Variants in TRAM2 observed in about 807,000 individuals in gnomAD.
TRAM2 encodes translocating chain-associated membrane protein 2.
TRAM2 carries 12 observed loss-of-function variants against 51.0 expected under a neutral mutation model. That is an observed-to-expected ratio of 0.24 (90% CI 0.15 to 0.38). The LOEUF (loss-of-function observed/expected upper bound fraction) is 0.38. Among genes scored for constraint, TRAM2 ranks in the 10% least tolerant of loss-of-function variants. The pLI is 1.00. For missense variants in TRAM2, 361 were observed against 462.0 expected (o/e 0.78, Z 2.00); for synonymous variants, 175 against 179.4 (o/e 0.98, Z 0.20).
At chr6:52,510,791 C>A (rs747003068) in intron 4 of TRAM2, among the ~76,000 whole-genome samples, 7 of 152,204 alleles carry the variant, frequency 4.6e-5, no homozygotes, top group Non-Finnish European at 1.0e-4. Flanking sequence ...GCCAGTGATA[C>A]CCTGGGGACA....
intron 1 of TRAM2, 37 bp downstream of exon 1, chr6:52,576,759 C>A (rs1176134042): frequency 1.2e-6 from 2 of 1,604,998 alleles, no homozygotes; most frequent in South Asian, 2.2e-5. Context: ...CGACAGGGGG[C>A]ACTGTCCCTC....
At chr6:52,530,700 CCA>C in intron 2 of TRAM2, among the ~76,000 whole-genome samples, 1 of 152,082 alleles carries the variant, frequency 6.6e-6, no homozygotes, top group African/African-American at 2.4e-5. Context: ...TAGATCCTTC[CCA>C]GAGCCTTCCA....
intron 1 of TRAM2, among the ~76,000 whole-genome samples, chr6:52,559,456 G>C (rs892160750): frequency 1.3e-5 from 2 of 152,192 alleles, no homozygotes; most frequent in Non-Finnish European, 2.9e-5. Flanking sequence ...TGAGCAACGA[G>C]AGTCCTTAGT....
At chr6:52,561,630 C>T (rs1234232579) in intron 1 of TRAM2, among the ~76,000 whole-genome samples, 1 of 152,082 alleles carries the variant, frequency 6.6e-6, no homozygotes, top group Admixed American at 6.5e-5. Context: ...GGACTACAGG[C>T]GCCCACCACC....
In TRAM2 at chr6:52,503,134, C is replaced by T; in HGVS notation, c.*63G>A. 7.2e-7 allele frequency: 1 copy of T among 1,383,426 alleles called. No homozygotes were observed. Among genetic ancestry groups the T allele is most frequent in the South Asian group, 1.2e-5 (1 of 86,460 alleles). The allele number at this position is 1,383,426 out of a possible 1,614,324, so 85.7% of individuals were successfully genotyped here. On this transcript the variant is annotated 3_prime_UTR_variant, in exon 11 of 11. Transcript: ENST00000182527. ...CAGGAAGGAGGAGGCAGGGAGGGGG[C>T]CTGGGCTCCTTGCCCCCTGCTCGGC...
At position 52,503,133 on chromosome 6, in the gene TRAM2, G is replaced by A. The variant is rs1766268131; in HGVS notation, c.*64C>T. On this transcript the variant is annotated 3_prime_UTR_variant, in exon 11 of 11. Coordinates refer to ENST00000182527, the MANE Select transcript of TRAM2 (RefSeq NM_012288.4). ...GCAGGAAGGAGGAGGCAGGGAGGGG[G>A]CCTGGGCTCCTTGCCCCCTGCTCGG... 2 of 1,370,234 alleles carry A rather than the reference G, an allele frequency of 1.5e-6. No homozygotes were observed. The highest frequency in any genetic ancestry group is 2.3e-5 in the South Asian group (2 of 86,294). 84.9% of individuals were successfully genotyped at this position (1,370,234 alleles called of 1,614,324 possible).
chr6:52,569,301 A>G (rs1262729781), intron 1 of TRAM2, among the ~76,000 whole-genome samples: 2 of 151,852 alleles, frequency 1.3e-5, no homozygotes, highest in African/African-American at 4.8e-5. Flanking sequence ...GAAGTGGGAG[A>G]ATCGCTTGAA....
rs17664206 is a variant in TRAM2, at chr6:52,521,298, A to G, written c.185-4561T>C. Among the ~76,000 whole-genome samples the G allele has an allele frequency of 5.6e-3, 857 of 152,292 alleles. 6 individuals carry two copies. The highest frequency in any genetic ancestry group is 8.8e-3 in the Non-Finnish European group (600 of 68,010). The stretch of plus-strand genomic sequence containing the variant: ...GGTTTGGCCCTGTTTTCATAGAACT[A>G]TAGAGGTTGGACCTTTGTCCCCTTC... On this transcript the variant is annotated intron_variant, in intron 2 of 10. Coordinates refer to ENST00000182527, the MANE Select transcript of TRAM2 (RefSeq NM_012288.4).
rs1766183722 is a variant in TRAM2, at chr6:52,500,297, A to G, written c.*2900T>C. 6.6e-6 allele frequency: 1 copy of G among 152,246 alleles called. No homozygotes were observed. The highest frequency in any genetic ancestry group is 1.5e-5 in the Non-Finnish European group (1 of 68,060). 9.4% of individuals were successfully genotyped at this position (152,246 alleles called of 1,614,324 possible). On this transcript the variant is annotated 3_prime_UTR_variant, in exon 11 of 11. Transcript: ENST00000182527. ...AAAGTGGCCAAAATTAGAACAAGCT[A>G]GCCCAACACGCTCATAGGATGAAGT...
At chr6:52,559,637 A>G (rs918041617) in intron 1 of TRAM2, among the ~76,000 whole-genome samples, 8 of 152,164 alleles carry the variant, frequency 5.3e-5, no homozygotes, top group African/African-American at 1.9e-4. Flanking sequence ...TGATTCTATA[A>G]ACTGTGAAGT....
rs751286166 is a variant in TRAM2 at position 52,516,120 on chromosome 6, T to C, written c.297A>G (p.Lys99=). ...TGGAGAGATGAAGCCGTTTGCTGAT[T>C]TTCTAAAGAATAAAGAAAACCCCTC... is the stretch of plus-strand genomic sequence containing the variant. ...HAVVQEYILD[K]ISKRLHLSKV... The change falls in exon 4 of 11, where the codon AAA becomes AAG. Residue 99 remains lysine, a splice_region_variant and synonymous_variant. Transcript: ENST00000182527. 3.1e-6 allele frequency: 5 copies of C among 1,613,930 alleles called. No homozygotes were observed. In the East Asian group the frequency reaches 1.1e-4, roughly 36 times the overall value.
chr6:52,541,377 G>T (rs1767078678), intron 1 of TRAM2, among the ~76,000 whole-genome samples: 1 of 152,176 alleles, frequency 6.6e-6, no homozygotes, highest in African/African-American at 2.4e-5. Context: ...ATAAGCACGG[G>T]AAGGATAAAG....
intron 1 of TRAM2, among the ~76,000 whole-genome samples, chr6:52,557,002 T>C (rs945037175): frequency 6.6e-6 from 1 of 151,880 alleles, no homozygotes; most frequent in African/African-American, 2.4e-5. Context: ...GAGACCACCC[T>C]GGCCAACATG....
chr6:52,522,887 A>G, intron 2 of TRAM2: 1 of 702,338 alleles, frequency 1.4e-6, no homozygotes, highest in Non-Finnish European at 2.6e-6. Flanking sequence ...TTCTGAGGTC[A>G]CCTGCAAGCG....
At chr6:52,503,366 A>C in intron 10 of TRAM2, 96 bp from the exon 11 acceptor site, 2 of 1,120,088 alleles carry the variant, frequency 1.8e-6, no homozygotes, top group South Asian at 2.5e-5. Flanking sequence ...GGGCCCGGGC[A>C]GCCCAGCTGC....
intron 1 of TRAM2, among the ~76,000 whole-genome samples, chr6:52,552,429 T>C (rs1767325287): frequency 6.6e-6 from 1 of 152,176 alleles, no homozygotes; most frequent in Non-Finnish European, 1.5e-5. Context: ...GCTGTACATA[T>C]ATTACTAAGA....
rs1373221419 is a variant in TRAM2 at position 52,504,641 on chromosome 6, C to G, written c.989G>C (p.Arg330Thr). ...TGGTAGTCTGGGTGTGGCTGGGACT[C>G]TCCGCTTTGCACTCTGCTCATTCCA... Reference protein sequence around the residue: ...EYWNEQSAKRRVPATPRLPAR... With the variant: ...EYWNEQSAKRTVPATPRLPAR... Residue 330 changes from arginine (R) to threonine (T), a missense_variant, in exon 10 of 11, where the codon AGA (arginine) becomes ACA (threonine). Coordinates refer to ENST00000182527, the MANE Select transcript of TRAM2 (RefSeq NM_012288.4). The G allele has an allele frequency of 6.2e-7, 1 of 1,613,912 alleles. No homozygotes were observed. The highest frequency in any genetic ancestry group is 8.5e-7 in the Non-Finnish European group (1 of 1,180,050).
chr6:52,560,176 G>A (rs1381392924), intron 1 of TRAM2, among the ~76,000 whole-genome samples: 5 of 151,784 alleles, frequency 3.3e-5, no homozygotes, highest in Admixed American at 1.3e-4. Context: ...CCTGGGAGGC[G>A]AAGGAGGTTG....
At chr6:52,526,870 C>T (rs570665824) in intron 2 of TRAM2, among the ~76,000 whole-genome samples, 1 of 152,180 alleles carries the variant, frequency 6.6e-6, no homozygotes, top group Non-Finnish European at 1.5e-5. Context: ...ATTCCATAGG[C>T]TGCCTCACGT....
Sources: gnomAD v4.1 joint callset for allele counts (sites outside exome capture counted in the v4.1 genomes callset) on GRCh38, gnomAD v4.1.1 for gene constraint, MANE v1.5 for transcripts, NCBI Gene and HGNC (gene_info 2026-07-23, HGNC 2026-07-21) for gene names.